The following GLP2R variants were observed in gnomAD, a reference collection of about 807,000 sequenced individuals.
GLP2R encodes the protein glucagon-like peptide 2 receptor.
In GLP2R, 59 loss-of-function variants were observed where a neutral mutation model predicts 68.2. The observed-to-expected ratio is 0.87, with a 90% CI of 0.70 to 1.07. The LOEUF is 1.07. GLP2R is among the 50% of genes least tolerant of loss of function. GLP2R has a pLI of 0.00. For synonymous variants in GLP2R, 270 were observed against 265.4 expected (o/e 1.02, Z -0.17); for missense variants, 548 against 677.4 (o/e 0.81, Z 2.12).
At chr17:9,851,535 A>G (rs559611596) in intron 4 of GLP2R, among the ~76,000 whole-genome samples, 17 of 152,322 alleles carry the variant, frequency 1.1e-4, no homozygotes, top group South Asian at 1.0e-3. Context: ...GGAGAGGCAA[A>G]CAAGCACAGT....
At chr17:9,884,844 G>A (rs1042984376) in intron 11 of GLP2R, among the ~76,000 whole-genome samples, 6 of 151,976 alleles carry the variant, frequency 3.9e-5, no homozygotes, top group African/African-American at 1.2e-4. Context: ...GTTCCTGGCC[G>A]TAATCTTCTT....
chr17:9,842,622 T>A lies in GLP2R; in HGVS notation c.504+6T>A. The A allele has an allele frequency of 6.2e-7, 1 of 1,612,490 alleles. No individual in the cohort carries two copies. The highest frequency in any genetic ancestry group is 2.2e-5 in the East Asian group (1 of 44,816). ...ACCACAGCTTCAAGCAAAACGTGAG[T>A]TTGCTCAGCTCAGTGAGGAGGCATC... On this transcript the variant is annotated splice_donor_region_variant and intron_variant, in intron 4 of 12. Transcript: ENST00000262441.
chr17:9,850,173 A>C (rs1249088263), intron 4 of GLP2R, among the ~76,000 whole-genome samples: 1 of 152,186 alleles, frequency 6.6e-6, no homozygotes, highest in Non-Finnish European at 1.5e-5. Context: ...AAGGTGTCTA[A>C]GTGACATAAG....
intron 10 of GLP2R, 143 bp from the exon 11 acceptor site, chr17:9,880,235 T>C (rs2067183057): frequency 3.2e-6 from 2 of 623,658 alleles, no homozygotes; most frequent in East Asian, 2.6e-5. Flanking sequence ...CCCTGAAGCG[T>C]TAAATGTTGT....
At chr17:9,828,763 C>A (rs2152028561) in intron 1 of GLP2R, among the ~76,000 whole-genome samples, 2 of 152,290 alleles carry the variant, frequency 1.3e-5, no homozygotes, top group East Asian at 3.9e-4. Flanking sequence ...ACAGCGGAAT[C>A]TGCAGAGCCT....
At chr17:9,838,593 A>G (rs1217536425) in intron 3 of GLP2R, among the ~76,000 whole-genome samples, 5 of 152,244 alleles carry the variant, frequency 3.3e-5, no homozygotes, top group Non-Finnish European at 7.3e-5. Flanking sequence ...TGAAGTGTTC[A>G]AAAAGCCACA....
At chr17:9,884,640 C>T (rs764245704) in intron 11 of GLP2R, among the ~76,000 whole-genome samples, 5 of 152,124 alleles carry the variant, frequency 3.3e-5, no homozygotes, top group African/African-American at 7.2e-5. Context: ...CACCAAAGGC[C>T]GAGGAGCCAG....
Position 9,891,379 on chromosome 17 carries a change from A to G in GLP2R, c.*1674A>G, listed in dbSNP as rs2067289391. ...TTTTAATGCAATATTCTAAAAAAAC[A>G]AATTAACAAACTACAGCCCATGAGC... On this transcript the variant is annotated 3_prime_UTR_variant, in exon 13 of 13. Coordinates refer to ENST00000262441, the MANE Select transcript of GLP2R (RefSeq NM_004246.3). The G allele has an allele frequency of 6.6e-6, 1 of 152,260 alleles. No homozygotes were observed. The highest frequency in any genetic ancestry group is 1.5e-5 in the Non-Finnish European group (1 of 68,042). The allele number at this position is 152,260 out of a possible 1,614,324, so 9.4% of individuals were successfully genotyped here.
intron 4 of GLP2R, among the ~76,000 whole-genome samples, chr17:9,844,599 T>C (rs2152034647): frequency 6.9e-6 from 1 of 145,040 alleles, no homozygotes; most frequent in South Asian, 2.2e-4. Context: ...GACTTAAAAA[T>C]GCCCCTCCCT....
intron 11 of GLP2R, among the ~76,000 whole-genome samples, chr17:9,884,511 C>T (rs1311901769): frequency 6.6e-6 from 1 of 152,148 alleles, no homozygotes; most frequent in African/African-American, 2.4e-5. Context: ...ACACCAAGTT[C>T]CCTATACCAG....
At chr17:9,844,237 G>T (rs2066815506) in intron 4 of GLP2R, among the ~76,000 whole-genome samples, 1 of 152,206 alleles carries the variant, frequency 6.6e-6, no homozygotes, top group Admixed American at 6.5e-5. Context: ...CCTGTGCCCG[G>T]TGAAGGACTT....
chr17:9,840,690 T>C (rs573594139), intron 3 of GLP2R, among the ~76,000 whole-genome samples: 71 of 152,276 alleles, frequency 4.7e-4, no homozygotes, highest in South Asian at 6.2e-4. Context: ...AGTGGGGTGA[T>C]GTGTTGCACC....
intron 9 of GLP2R, among the ~76,000 whole-genome samples, chr17:9,864,683 C>T (rs879938423): frequency 2.0e-5 from 3 of 151,938 alleles, no homozygotes; most frequent in Non-Finnish European, 2.9e-5. Flanking sequence ...CCACCACACC[C>T]GGCTAATTTT....
At chr17:9,881,624 C>T (rs2067197481) in intron 11 of GLP2R, among the ~76,000 whole-genome samples, 1 of 135,562 alleles carries the variant, frequency 7.4e-6, no homozygotes, top group Admixed American at 6.9e-5. Context: ...TCGTGATCCG[C>T]CCGCCTCGGC....
intron 10 of GLP2R, among the ~76,000 whole-genome samples, chr17:9,876,168 C>CGCCCGGCCCGACAAGCATTTCTTAA (rs2067140888): frequency 6.6e-6 from 1 of 152,178 alleles, no homozygotes; most frequent in Non-Finnish European, 1.5e-5. Flanking sequence ...TGAGCCACTG[C>CGCCCGGCCCGACAAGCATTTCTTAA]GCCCGGCCCG....
intron 4 of GLP2R, among the ~76,000 whole-genome samples, chr17:9,849,607 C>CTTTTTTTTTTTTTT (rs57795068): frequency 1.5e-4 from 13 of 87,120 alleles, no homozygotes; most frequent in African/African-American, 1.8e-4. Context: ...TTTTCTCTTT[C>CTTTTTTTTTTTTTT]TTTTTTTTTT....
intron 9 of GLP2R, chr17:9,867,002 A>T (rs2067044544): frequency 6.6e-6 from 1 of 152,258 alleles, no homozygotes; most frequent in African/African-American, 2.4e-5. Context: ...AGAAAAAAAT[A>T]ATAATTCTTT....
intron 1 of GLP2R, among the ~76,000 whole-genome samples, chr17:9,831,273 C>T (rs2066677028): frequency 6.6e-6 from 1 of 152,212 alleles, no homozygotes; most frequent in Non-Finnish European, 1.5e-5. Flanking sequence ...ATTTACTGAA[C>T]CCTTCCTCAT....
At chr17:9,839,640 TATC>T (rs1436263607) in intron 3 of GLP2R, among the ~76,000 whole-genome samples, 3 of 152,126 alleles carry the variant, frequency 2.0e-5, no homozygotes, top group East Asian at 1.9e-4. Context: ...CTTTCTAAAA[TATC>T]ATTCACATTC....
Sources: gnomAD v4.1 joint callset for allele counts (sites outside exome capture counted in the v4.1 genomes callset) on GRCh38, gnomAD v4.1.1 for gene constraint, MANE v1.5 for transcripts, NCBI Gene and HGNC (gene_info 2026-07-23, HGNC 2026-07-21) for gene names.